EIF4G3: variants seen among roughly 807,000 people sequenced by gnomAD.
The protein encoded by EIF4G3 is eIF-4-gamma 3.
A neutral mutation model predicts 186.4 loss-of-function variants in EIF4G3; 34 were observed. That is an observed-to-expected ratio of 0.18 (90% CI 0.14 to 0.24). The LOEUF (loss-of-function observed/expected upper bound fraction) is 0.24. Ranked by LOEUF, EIF4G3 falls within the 10% of genes least tolerant of loss-of-function variation. The probability of loss-of-function intolerance (pLI) is 1.00; values close to 1 mark genes in which losing one functional copy is unlikely to be tolerated. For missense variants in EIF4G3, 1,536 were observed against 1,948.5 expected, an observed-to-expected ratio of 0.79 and a Z score of 3.99; for synonymous variants, 673 against 679.5, an observed-to-expected ratio of 0.99 and a Z score of 0.15.
Position 20,947,409 on chromosome 1 carries a change from AAT to A in EIF4G3, c.823+2592_823+2593del, listed in dbSNP as rs1491241149. The stretch of plus-strand genomic sequence containing the variant: ...AAAAAAAACCATTTTCTCTGAAAAA[AAT>A]AGTGAGCCCTTTCTAACATTACATA... On this transcript the variant is annotated intron_variant, in intron 13 of 36. Coordinates refer to ENST00000602326, the MANE Select transcript of EIF4G3 (RefSeq NM_001391906.1). Among the ~76,000 whole-genome samples the A allele has an allele frequency of 3.9e-4, 59 of 152,210 alleles. 1 individual carries two copies. Among genetic ancestry groups the A allele is most frequent in the African/African-American group, 1.4e-3 (59 of 41,558 alleles).
chr1:20,940,754 C>T (rs190969210), intron 14 of EIF4G3, among the ~76,000 whole-genome samples: 7 of 152,280 alleles, frequency 4.6e-5, no homozygotes, highest in African/African-American at 1.7e-4. Flanking sequence ...GCTAACTTAT[C>T]CTAGAATAGC....
At chr1:21,127,028 G>C (rs1349970901) in intron 2 of EIF4G3, among the ~76,000 whole-genome samples, 1 of 151,970 alleles carries the variant, frequency 6.6e-6, no homozygotes, top group African/African-American at 2.4e-5. Context: ...TTGTTGCCAG[G>C]CCAGAGTGCA....
At chr1:20,914,104 T>C (rs534014244) in intron 14 of EIF4G3, among the ~76,000 whole-genome samples, 1 of 151,864 alleles carries the variant, frequency 6.6e-6, no homozygotes, top group East Asian at 1.9e-4. Context: ...CACCACGCCC[T>C]GCCTTTTTTT....
intron 10 of EIF4G3, among the ~76,000 whole-genome samples, chr1:20,973,352 G>T (rs2076258950): frequency 3.9e-5 from 6 of 152,194 alleles, no homozygotes; most frequent in Admixed American, 3.9e-4. Context: ...GGTTCCTACA[G>T]ATCCACACCA....
At chr1:20,896,389 T>C (rs1403793274) in intron 16 of EIF4G3, among the ~76,000 whole-genome samples, 1 of 148,638 alleles carries the variant, frequency 6.7e-6, no homozygotes, top group African/African-American at 2.5e-5. Flanking sequence ...TGAGCTATGA[T>C]TGCACCACTG....
intron 1 of EIF4G3, 47 bp downstream of exon 1, chr1:21,176,675 A>AGG: frequency 3.4e-5 from 17 of 506,208 alleles, no homozygotes; most frequent in Admixed American, 6.9e-5. Flanking sequence ...ACGCGACCCC[A>AGG]GGGGGGGGGC....
chr1:20,904,622 A>T (rs1238837873), intron 15 of EIF4G3, among the ~76,000 whole-genome samples: 1 of 152,192 alleles, frequency 6.6e-6, no homozygotes, highest in Non-Finnish European at 1.5e-5. Flanking sequence ...TGCTGGGATT[A>T]CAGTTGTTAG....
At position 21,075,570 on chromosome 1, in the gene EIF4G3, C is replaced by CAAAA. The variant is rs55649192; in HGVS notation, c.-196+13564_-196+13567dup. 4.0e-3 allele frequency among the ~76,000 whole-genome samples: 207 copies of CAAAA among 51,552 alleles called. 4 individuals carry two copies. The highest frequency in any genetic ancestry group is 4.3e-3 in the Non-Finnish European group (136 of 31,964). The allele number at this position is 51,552 out of a possible 152,430, so 33.8% of individuals were successfully genotyped here. On this transcript the variant is annotated intron_variant, in intron 3 of 36. Coordinates refer to ENST00000602326, the MANE Select transcript of EIF4G3 (RefSeq NM_001391906.1). ...GGCAACAGAGTGAGACTCCAACTCA[C>CAAAA]AAAAAAAAAAAAAAAAAAAAAAAAA... is the stretch of plus-strand genomic sequence containing the variant.
intron 3 of EIF4G3, among the ~76,000 whole-genome samples, chr1:21,077,818 T>A (rs1295561138): frequency 1.2e-4 from 18 of 149,610 alleles, no homozygotes; most frequent in Non-Finnish European, 2.4e-4. Flanking sequence ...AGGCGGAGGT[T>A]GTGGTGAGCC....
chr1:21,147,250 G>A (rs756943843), intron 2 of EIF4G3, among the ~76,000 whole-genome samples: 2 of 151,828 alleles, frequency 1.3e-5, no homozygotes, highest in Non-Finnish European at 2.9e-5. Flanking sequence ...GACAGAGCAA[G>A]ACTCCATCTC....
intron 18 of EIF4G3, among the ~76,000 whole-genome samples, chr1:20,888,420 T>C (rs200861332): frequency 6.6e-6 from 1 of 152,194 alleles, no homozygotes; most frequent in Non-Finnish European, 1.5e-5. Flanking sequence ...TTCTCAAATA[T>C]TTATCTAGCT....
chr1:21,106,733 A>T (rs185817253), intron 2 of EIF4G3, among the ~76,000 whole-genome samples: 26 of 152,326 alleles, frequency 1.7e-4, no homozygotes, highest in African/African-American at 6.0e-4. Context: ...AAAAAAAATT[A>T]AAAAATTAAA....
intron 2 of EIF4G3, among the ~76,000 whole-genome samples, chr1:21,170,048 G>GC (rs2097924523): frequency 2.0e-5 from 3 of 152,046 alleles, no homozygotes; most frequent in Non-Finnish European, 1.5e-5. Flanking sequence ...GGTGGTGCAC[G>GC]CCTGTAGTCC....
chr1:21,045,964 G>C (rs777010285), intron 4 of EIF4G3, among the ~76,000 whole-genome samples: 20 of 152,136 alleles, frequency 1.3e-4, no homozygotes, highest in Non-Finnish European at 2.5e-4. Context: ...CATTCACAAA[G>C]AAGAAAACTG....
intron 14 of EIF4G3, among the ~76,000 whole-genome samples, chr1:20,909,417 G>A (rs968591378): frequency 2.0e-5 from 3 of 151,992 alleles, no homozygotes; most frequent in African/African-American, 4.8e-5. Flanking sequence ...AATGACAAAC[G>A]TTACTGCTAT....
chr1:21,133,413 G>C (rs900469504), intron 2 of EIF4G3, among the ~76,000 whole-genome samples: 3 of 151,964 alleles, frequency 2.0e-5, no homozygotes, highest in African/African-American at 7.2e-5. Context: ...TTTTAGTAAA[G>C]ACAGGGTTTC....
intron 2 of EIF4G3, among the ~76,000 whole-genome samples, chr1:21,146,919 C>T (rs190164566): frequency 6.6e-6 from 1 of 152,050 alleles, no homozygotes; most frequent in Non-Finnish European, 1.5e-5. Context: ...AAAGGCAAAC[C>T]TGAACTCTTC....
chr1:20,923,006 C>G (rs914576387), intron 14 of EIF4G3, among the ~76,000 whole-genome samples: 2 of 152,104 alleles, frequency 1.3e-5, no homozygotes, highest in African/African-American at 4.8e-5. Flanking sequence ...GATGAGGAAA[C>G]TGAAGAACAG....
intron 12 of EIF4G3, among the ~76,000 whole-genome samples, chr1:20,964,668 G>A (rs1196564184): frequency 1.3e-5 from 2 of 152,124 alleles, no homozygotes; most frequent in Non-Finnish European, 2.9e-5. Flanking sequence ...TTTAGGGCTA[G>A]CATATGTTTT....
Sources: gnomAD v4.1 joint callset for allele counts (sites outside exome capture counted in the v4.1 genomes callset) on GRCh38, gnomAD v4.1.1 for gene constraint, MANE v1.5 for transcripts, NCBI Gene and HGNC (gene_info 2026-07-23, HGNC 2026-07-21) for gene names.